Variants in PDE1C observed in about 807,000 individuals in gnomAD.
PDE1C encodes phosphodiesterase 1C, also known as dual specificity calcium/calmodulin-dependent 3',5'-cyclic nucleotide phosphodiesterase 1C.
PDE1C carries 62 observed loss-of-function variants against 93.1 expected under a neutral mutation model. The observed-to-expected ratio is 0.67, with a 90% CI of 0.54 to 0.82. PDE1C has a LOEUF of 0.82. Ranked by LOEUF, PDE1C falls within the 40% of genes least tolerant of loss-of-function variation. The pLI is 0.00. For missense variants in PDE1C, 742 were observed against 884.6 expected (o/e 0.84, Z 2.04); for synonymous variants, 325 against 310.1 (o/e 1.05, Z -0.50).
chr7:31,672,755 A>G, the PDE1C span, among the ~76,000 whole-genome samples: 1 of 152,150 alleles, frequency 6.6e-6, no homozygotes, highest in African/African-American at 2.4e-5. Flanking sequence ...AGGGCAGTAA[A>G]CGGAATGGGA....
Position 32,229,483 on chromosome 7 carries a change from A to G in PDE1C, c.86-19944T>C, listed in dbSNP as rs1182906362. On this transcript the variant is annotated intron_variant, in intron 1 of 18. Coordinates refer to the PDE1C transcript ENST00000396193. Reference sequence around the variant, plus strand: ...ATTCTGTGGGAGTACCCTGTTGGTCAGTGGCGATTTGACCCCATGTCTGGT... The same window carrying G: ...ATTCTGTGGGAGTACCCTGTTGGTCGGTGGCGATTTGACCCCATGTCTGGT... 3.9e-5 allele frequency among the ~76,000 whole-genome samples: 6 copies of G among 152,376 alleles called. No homozygotes were observed. In the East Asian group the frequency reaches 1.2e-3, roughly 29 times the overall value.
chr7:32,112,844 GTGTATATATATATATATA>G (rs1407027538), intron 3 of PDE1C, among the ~76,000 whole-genome samples: 9 of 54,142 alleles, frequency 1.7e-4, no homozygotes, highest in African/African-American at 6.3e-4. Context: ...GTGTGTGTGT[GTGTATATATATATATATA>G]TATATATATA....
At chr7:32,311,437 T>C (rs368443918) in intron 1 of PDE1C, among the ~76,000 whole-genome samples, 2 of 152,180 alleles carry the variant, frequency 1.3e-5, no homozygotes, top group South Asian at 2.1e-4. Flanking sequence ...CAAAGCCAGG[T>C]AGAGACACAA....
At chr7:32,073,139 A>G (rs1796159237), upstream of PDE1C, among the ~76,000 whole-genome samples, 1 of 152,178 alleles carries the variant, frequency 6.6e-6, no homozygotes, top group Admixed American at 6.5e-5. Flanking sequence ...TGGAATTTTG[A>G]TTGTCAGAGA....
At chr7:32,238,366 C>T (rs1385701513) in intron 1 of PDE1C, among the ~76,000 whole-genome samples, 1 of 152,194 alleles carries the variant, frequency 6.6e-6, no homozygotes, top group Admixed American at 6.5e-5. Flanking sequence ...TATTGATCCT[C>T]TTCATGAATA....
At chr7:32,427,826 T>G (rs1289790917) in exon 1 of PDE1C, 1 of 152,258 alleles carries the variant, frequency 6.6e-6, no homozygotes, top group Non-Finnish European at 1.5e-5. Context: ...ACTCACCCGC[T>G]GCGCTGCGGC....
At chr7:32,275,691 C>T (rs1811237282) in intron 1 of PDE1C, among the ~76,000 whole-genome samples, 1 of 151,744 alleles carries the variant, frequency 6.6e-6, no homozygotes, top group Non-Finnish European at 1.5e-5. Context: ...TTTCAGGTTG[C>T]ACCTGCAAAC....
chr7:32,190,618 G>A (rs925126620), intron 2 of PDE1C, among the ~76,000 whole-genome samples: 7 of 152,136 alleles, frequency 4.6e-5, no homozygotes, highest in Non-Finnish European at 1.0e-4. Flanking sequence ...GTTTGGAGTT[G>A]GCACAGATCT....
At chr7:32,423,455 G>A (rs1188243079) in intron 1 of PDE1C, among the ~76,000 whole-genome samples, 1 of 152,198 alleles carries the variant, frequency 6.6e-6, no homozygotes, top group Non-Finnish European at 1.5e-5. Context: ...TCGAGAGGAA[G>A]GACCCAAGAT....
At chr7:32,033,973 T>A (rs887200732) in intron 2 of PDE1C, among the ~76,000 whole-genome samples, 3 of 152,088 alleles carry the variant, frequency 2.0e-5, no homozygotes, top group Non-Finnish European at 4.4e-5. Context: ...AAAATCAGCT[T>A]ACTGGGTTAT....
chr7:31,920,157 C>T (rs978898274), intron 2 of PDE1C, among the ~76,000 whole-genome samples: 2 of 152,174 alleles, frequency 1.3e-5, no homozygotes, highest in African/African-American at 4.8e-5. Flanking sequence ...GCTCAACGTC[C>T]TACCCATACA....
At position 32,127,357 on chromosome 7, in the gene PDE1C, G is replaced by T. The variant is rs138566885; in HGVS notation, c.308+42428C>A. On this transcript the variant is annotated intron_variant, in intron 3 of 18. Coordinates refer to the PDE1C transcript ENST00000396193. ...CTCTGGAGAACCCTGACTAATACAGGCAATAATGTAGAAGACCAATTTAAA... is the reference window on the plus strand; with the variant it reads ...CTCTGGAGAACCCTGACTAATACAGTCAATAATGTAGAAGACCAATTTAAA... 1.5e-3 allele frequency among the ~76,000 whole-genome samples: 227 copies of T among 152,100 alleles called. 1 individual carries two copies. The highest frequency in any genetic ancestry group is 5.4e-3 in the African/African-American group (224 of 41,502).
chr7:31,797,995 G>A (rs984114302), intron 16 of PDE1C, among the ~76,000 whole-genome samples: 2 of 151,672 alleles, frequency 1.3e-5, no homozygotes, highest in East Asian at 3.9e-4. Context: ...TGGCAGCTCC[G>A]TCCCAATGAT....
chr7:32,132,714 C>T (rs1584823735), intron 3 of PDE1C, among the ~76,000 whole-genome samples: 1 of 151,958 alleles, frequency 6.6e-6, no homozygotes, highest in Admixed American at 6.6e-5. Context: ...TAAGTTGCTA[C>T]CCAGAAAATT....
At chr7:31,880,669 G>C in intron 3 of PDE1C, 78 bp downstream of exon 3, 1 of 808,022 alleles carries the variant, frequency 1.2e-6, no homozygotes, top group Admixed American at 2.2e-5. Flanking sequence ...TTCCTGGCAT[G>C]GGGGACAATT....
intron 1 of PDE1C, among the ~76,000 whole-genome samples, chr7:32,421,642 T>C (rs1240517704): frequency 6.6e-6 from 1 of 152,186 alleles, no homozygotes; most frequent in Admixed American, 6.5e-5. Flanking sequence ...GAATTAATCA[T>C]GGGACTCCTG....
At chr7:32,373,690 T>C (rs1278088869) in intron 1 of PDE1C, among the ~76,000 whole-genome samples, 1 of 152,158 alleles carries the variant, frequency 6.6e-6, no homozygotes, top group Non-Finnish European at 1.5e-5. Context: ...ATTCCTCCCA[T>C]AGAAAAGTGA....
chr7:31,900,422 T>G (rs1418195942), intron 2 of PDE1C, among the ~76,000 whole-genome samples: 1 of 151,468 alleles, frequency 6.6e-6, no homozygotes, highest in African/African-American at 2.4e-5. Context: ...TACCTTTTTT[T>G]TTTTTACTGT....
At chr7:31,689,967 C>A in the PDE1C span, among the ~76,000 whole-genome samples, 1 of 152,168 alleles carries the variant, frequency 6.6e-6, no homozygotes, top group Non-Finnish European at 1.5e-5. Context: ...TTGTTTCTCC[C>A]ATAGACAAGA....
Sources: allele counts gnomAD v4.1 joint callset (sites outside exome capture counted in the v4.1 genomes callset), GRCh38; gene constraint gnomAD v4.1.1; transcripts MANE v1.5; gene names NCBI Gene and HGNC (gene_info 2026-07-23, HGNC 2026-07-21).